Variants in PPM1H observed in about 807,000 individuals in gnomAD.
The protein encoded by PPM1H is protein phosphatase 1H.
PPM1H carries 27 observed loss-of-function variants against 54.9 expected under a neutral mutation model. The ratio of observed to expected loss-of-function variants is 0.49; its 90% CI spans 0.36 to 0.68. The LOEUF (loss-of-function observed/expected upper bound fraction) is 0.68. Among genes scored for constraint, PPM1H ranks in the 30% least tolerant of loss-of-function variants. The probability of loss-of-function intolerance (pLI) is 0.00; values close to 1 mark genes in which losing one functional copy is unlikely to be tolerated. For missense variants in PPM1H, 596 were observed against 667.8 expected, an observed-to-expected ratio of 0.89 and a Z score of 1.19; for synonymous variants, 305 against 270.8, an observed-to-expected ratio of 1.13 and a Z score of -1.24.
At chr12:62,915,805 G>A (rs116468305) in intron 1 of PPM1H, among the ~76,000 whole-genome samples, 2,673 of 152,258 alleles carry the variant, frequency 0.018, 89 homozygotes, top group African/African-American at 0.06. Flanking sequence ...AGTGTCAGGT[G>A]GTTCAGGCTC....
At chr12:62,650,845 G>C (rs1342521434) in intron 9 of PPM1H, among the ~76,000 whole-genome samples, 1 of 152,104 alleles carries the variant, frequency 6.6e-6, no homozygotes, top group Non-Finnish European at 1.5e-5. Flanking sequence ...CCTCCCACCA[G>C]GTCCCTCTCC....
intron 1 of PPM1H, among the ~76,000 whole-genome samples, chr12:62,836,112 T>G (rs1868496304): frequency 6.6e-6 from 1 of 152,224 alleles, no homozygotes; most frequent in African/African-American, 2.4e-5. Flanking sequence ...CTATCTACAT[T>G]CTTGGCCTAA....
intron 4 of PPM1H, among the ~76,000 whole-genome samples, chr12:62,767,333 G>A (rs970606743): frequency 6.6e-6 from 1 of 152,172 alleles, no homozygotes; most frequent in Admixed American, 6.5e-5. Flanking sequence ...CCAGTGAAGG[G>A]GAGGGAGGGG....
intron 1 of PPM1H, among the ~76,000 whole-genome samples, chr12:62,913,900 A>G (rs1200374704): frequency 1.3e-5 from 2 of 152,050 alleles, no homozygotes; most frequent in African/African-American, 4.8e-5. Context: ...GGATTTTACC[A>G]TGTTGGCCAG....
chr12:62,747,657 G>A (rs1381803754), intron 4 of PPM1H, among the ~76,000 whole-genome samples: 1 of 152,194 alleles, frequency 6.6e-6, no homozygotes, highest in African/African-American at 2.4e-5. Flanking sequence ...TGTTCTGCCA[G>A]GGTACATTCC....
chr12:62,856,259 A>C (rs939807209), intron 1 of PPM1H, among the ~76,000 whole-genome samples: 6 of 152,016 alleles, frequency 3.9e-5, no homozygotes, highest in African/African-American at 1.5e-4. Flanking sequence ...TCAGACTCTC[A>C]ACTCCTCTTC....
intron 1 of PPM1H, among the ~76,000 whole-genome samples, chr12:62,838,452 A>G (rs1253080759): frequency 5.3e-5 from 8 of 152,056 alleles, no homozygotes; most frequent in Non-Finnish European, 1.2e-4. Context: ...TCAAGTGGTT[A>G]CTGGCCACAC....
chr12:62,927,217 T>C (rs959904198), intron 1 of PPM1H, among the ~76,000 whole-genome samples: 1 of 152,198 alleles, frequency 6.6e-6, no homozygotes, highest in Non-Finnish European at 1.5e-5. Context: ...TTTCCATGTC[T>C]AGAAATTAAT....
At chr12:62,738,485 G>A (rs1205167939) in intron 4 of PPM1H, among the ~76,000 whole-genome samples, 1 of 152,130 alleles carries the variant, frequency 6.6e-6, no homozygotes, top group Non-Finnish European at 1.5e-5. Context: ...CAAAGCAGAT[G>A]TCTATAGGAG....
chr12:62,774,817 C>T (rs2076600188), intron 4 of PPM1H, among the ~76,000 whole-genome samples: 2 of 152,306 alleles, frequency 1.3e-5, no homozygotes, highest in South Asian at 4.1e-4. Flanking sequence ...ACTGATGTTG[C>T]TAAGCGGATC....
chr12:62,906,999 A>T (rs994917659), intron 1 of PPM1H, among the ~76,000 whole-genome samples: 1 of 152,246 alleles, frequency 6.6e-6, no homozygotes, highest in East Asian at 1.9e-4. Flanking sequence ...GAGCTGAGAA[A>T]TACTCTCAAG....
At chr12:62,802,786 GT>G (rs1233145075) in intron 2 of PPM1H, among the ~76,000 whole-genome samples, 1 of 152,014 alleles carries the variant, frequency 6.6e-6, no homozygotes, top group African/African-American at 2.4e-5. Flanking sequence ...GTTTCACCAT[GT>G]TGCCCAGGCT....
intron 4 of PPM1H, among the ~76,000 whole-genome samples, chr12:62,759,089 A>G (rs1592583855): frequency 6.6e-6 from 1 of 151,918 alleles, no homozygotes; most frequent in Non-Finnish European, 1.5e-5. Flanking sequence ...ATAATCCACC[A>G]CCCTTTGCTG....
chr12:62,787,366 G>A (rs539591212), intron 4 of PPM1H, among the ~76,000 whole-genome samples: 15 of 152,262 alleles, frequency 9.9e-5, no homozygotes, highest in African/African-American at 3.1e-4. Flanking sequence ...TACTACTTTC[G>A]GAATAAAGAG....
At chr12:62,703,185 G>C (rs537284020) in intron 6 of PPM1H, among the ~76,000 whole-genome samples, 19 of 152,142 alleles carry the variant, frequency 1.2e-4, no homozygotes, top group Non-Finnish European at 2.2e-4. Flanking sequence ...ACCACTTCCT[G>C]CTGAGCAATC....
rs546162571 is a variant in PPM1H, at chr12:62,908,304, G to A, written c.245+26188C>T. Reference sequence around the variant, plus strand: ...CGCCTGTAATCCCAGCTACTTAGGAGGCTGAGGCAGGAGAATCGCTTGAAC... The same window carrying A: ...CGCCTGTAATCCCAGCTACTTAGGAAGCTGAGGCAGGAGAATCGCTTGAAC... On this transcript the variant is annotated intron_variant, in intron 1 of 9. Transcript: ENST00000228705. 3.3e-5 allele frequency among the ~76,000 whole-genome samples: 5 copies of A among 151,718 alleles called. No individual in the cohort carries two copies. In the South Asian group the frequency reaches 1.0e-3, roughly 32 times the overall value.
At chr12:62,845,007 G>C (rs1029352946) in intron 1 of PPM1H, among the ~76,000 whole-genome samples, 2 of 152,294 alleles carry the variant, frequency 1.3e-5, no homozygotes, top group African/African-American at 4.8e-5. Flanking sequence ...CAGAGCCTAG[G>C]GTACCTCTTC....
intron 5 of PPM1H, among the ~76,000 whole-genome samples, chr12:62,731,914 T>C (rs2076323128): frequency 6.6e-6 from 1 of 152,302 alleles, no homozygotes; most frequent in East Asian, 1.9e-4. Flanking sequence ...GTGATTTCCT[T>C]GAGGCCACAG....
chr12:62,738,327 C>G (rs1410722477), intron 4 of PPM1H, among the ~76,000 whole-genome samples: 1 of 151,932 alleles, frequency 6.6e-6, no homozygotes, highest in Non-Finnish European at 1.5e-5. Context: ...GTGGCCTACA[C>G]TGTTGAATTT....
Sources: allele counts gnomAD v4.1 joint callset (sites outside exome capture counted in the v4.1 genomes callset), GRCh38; gene constraint gnomAD v4.1.1; transcripts MANE v1.5; gene names NCBI Gene and HGNC (gene_info 2026-07-23, HGNC 2026-07-21).